The following SAMD4A variants were observed in gnomAD, a reference collection of about 807,000 sequenced individuals.
SAMD4A encodes sterile alpha motif domain containing 4A.
In SAMD4A, 33 loss-of-function variants were observed where a neutral mutation model predicts 81.3. The ratio of observed to expected loss-of-function variants is 0.41; its 90% CI spans 0.31 to 0.54. The LOEUF (loss-of-function observed/expected upper bound fraction) is 0.54, where lower values mean the gene tolerates loss of function less well. Among genes scored for constraint, SAMD4A ranks in the 20% least tolerant of loss-of-function variants. The probability of loss-of-function intolerance (pLI) is 0.37; values close to 1 mark genes in which losing one functional copy is unlikely to be tolerated. For synonymous variants in SAMD4A, 389 were observed against 382.1 expected (o/e 1.02, Z -0.21); for missense variants, 854 against 951.1 (o/e 0.90, Z 1.34).
chr14:54,752,383 G>A (rs1173634228), intron 6 of SAMD4A, among the ~76,000 whole-genome samples: 1 of 152,228 alleles, frequency 6.6e-6, no homozygotes, highest in African/African-American at 2.4e-5. Flanking sequence ...CATGGGTACT[G>A]GGAGGCAAGA....
At chr14:54,708,000 C>T (rs2036900777) in intron 3 of SAMD4A, among the ~76,000 whole-genome samples, 2 of 152,108 alleles carry the variant, frequency 1.3e-5, no homozygotes, top group Non-Finnish European at 2.9e-5. Flanking sequence ...GGAGGATTTC[C>T]AACAGAAAAG....
intron 4 of SAMD4A, among the ~76,000 whole-genome samples, chr14:54,738,477 A>T (rs529984820): frequency 2.6e-5 from 4 of 152,314 alleles, no homozygotes; most frequent in Admixed American, 2.6e-4. Flanking sequence ...TGATGGTTCC[A>T]GGGCTGAGTG....
At chr14:54,687,519 T>A in intron 2 of SAMD4A, 1 of 373,772 alleles carries the variant, frequency 2.7e-6, no homozygotes, top group Non-Finnish European at 5.3e-6. Flanking sequence ...AAACAAGTTG[T>A]GCTCATGCTC....
chr14:54,601,695 C>A (rs2034056791), intron 2 of SAMD4A, among the ~76,000 whole-genome samples: 1 of 152,164 alleles, frequency 6.6e-6, no homozygotes, highest in African/African-American at 2.4e-5. Context: ...TAGCCAGGGC[C>A]TCCCGTGGAG....
At chr14:54,600,060 G>C (rs997569501) in intron 2 of SAMD4A, among the ~76,000 whole-genome samples, 3 of 152,174 alleles carry the variant, frequency 2.0e-5, no homozygotes, top group Non-Finnish European at 4.4e-5. Context: ...TGCCAGGCTG[G>C]AGTGAGTAAT....
intron 8 of SAMD4A, among the ~76,000 whole-genome samples, chr14:54,769,670 G>A (rs1266843361): frequency 6.6e-6 from 1 of 152,152 alleles, no homozygotes; most frequent in Admixed American, 6.5e-5. Context: ...ACTCTAGGGT[G>A]CCCACACACC....
At chr14:54,599,696 C>G (rs962584319) in intron 2 of SAMD4A, among the ~76,000 whole-genome samples, 1 of 152,150 alleles carries the variant, frequency 6.6e-6, no homozygotes, top group Admixed American at 6.5e-5. Context: ...GTCAGAATTA[C>G]GAGACAATAG....
intron 2 of SAMD4A, among the ~76,000 whole-genome samples, chr14:54,688,669 TA>T (rs915342599): frequency 3.7e-4 from 56 of 151,712 alleles, no homozygotes; most frequent in Non-Finnish European, 1.8e-4. Context: ...ATTGTTGACT[TA>T]AAAAAAAATC....
At chr14:54,717,033 T>A (rs2037136646) in intron 3 of SAMD4A, among the ~76,000 whole-genome samples, 1 of 152,144 alleles carries the variant, frequency 6.6e-6, no homozygotes, top group East Asian at 1.9e-4. Context: ...ATGCATGTGT[T>A]GGGAGAATGC....
intron 8 of SAMD4A, among the ~76,000 whole-genome samples, chr14:54,768,376 C>A (rs1337665515): frequency 6.6e-6 from 1 of 152,208 alleles, no homozygotes; most frequent in African/African-American, 2.4e-5. Flanking sequence ...TTCATTCTCA[C>A]AACATCCTTT....
chr14:54,724,576 G>A (rs2140879222), intron 3 of SAMD4A, among the ~76,000 whole-genome samples: 1 of 152,274 alleles, frequency 6.6e-6, no homozygotes, highest in East Asian at 1.9e-4. Flanking sequence ...TGGGAACAGT[G>A]GGCCTCACAG....
chr14:54,609,970 G>A lies in SAMD4A; in HGVS notation c.196+41858G>A, dbSNP rs147594465. On this transcript the variant is annotated intron_variant, in intron 2 of 12. Coordinates refer to ENST00000554335, the MANE Select transcript of SAMD4A (RefSeq NM_015589.6). ...TTATGATTTTACTTTTTTTGTTGGCGCTGCTGATATTAAATCAGCGTACCT... is the reference window on the plus strand; with the variant it reads ...TTATGATTTTACTTTTTTTGTTGGCACTGCTGATATTAAATCAGCGTACCT... Among the ~76,000 whole-genome samples the A allele has an allele frequency of 1.8e-3, 279 of 152,182 alleles. 2 individuals are homozygous for A. In the Middle Eastern group the frequency reaches 0.02, roughly 11 times the overall value.
intron 2 of SAMD4A, among the ~76,000 whole-genome samples, chr14:54,578,517 CT>C (rs1426449252): frequency 1.3e-5 from 2 of 151,856 alleles, no homozygotes; most frequent in African/African-American, 4.8e-5. Flanking sequence ...TCAAGACCAG[CT>C]TGGCCAACGT....
intron 2 of SAMD4A, among the ~76,000 whole-genome samples, chr14:54,634,821 T>C (rs2034994901): frequency 6.6e-6 from 1 of 152,176 alleles, no homozygotes; most frequent in South Asian, 2.1e-4. Flanking sequence ...TGACACGTTA[T>C]TTATATAGTT....
At chr14:54,735,241 C>T (rs1028836932) in intron 3 of SAMD4A, 1 of 151,924 alleles carries the variant, frequency 6.6e-6, no homozygotes, top group Non-Finnish European at 1.5e-5. Context: ...TGCTTTCCCC[C>T]CACTTTTCCT....
intron 3 of SAMD4A, among the ~76,000 whole-genome samples, chr14:54,724,712 A>G (rs980766674): frequency 3.3e-5 from 5 of 152,194 alleles, no homozygotes; most frequent in African/African-American, 9.6e-5. Flanking sequence ...CTAAATATGC[A>G]GGAAAAACCA....
intron 2 of SAMD4A, chr14:54,685,619 T>A (rs549585825): frequency 5.4e-5 from 24 of 441,146 alleles, no homozygotes; most frequent in African/African-American, 4.6e-4. Flanking sequence ...GAAAAACTGA[T>A]CTTAGCCAAA....
chr14:54,584,629 T>C (rs1359856336), intron 2 of SAMD4A, among the ~76,000 whole-genome samples: 2 of 152,232 alleles, frequency 1.3e-5, no homozygotes, highest in Non-Finnish European at 1.5e-5. Context: ...TTAAATGTGA[T>C]TTAATTACTT....
At chr14:54,726,765 G>GTT (rs919690280) in intron 3 of SAMD4A, among the ~76,000 whole-genome samples, 1 of 149,572 alleles carries the variant, frequency 6.7e-6, no homozygotes, top group Admixed American at 6.7e-5. Flanking sequence ...GGGCATCGGG[G>GTT]TTTTTTTTTT....
Sources: allele counts gnomAD v4.1 joint callset (sites outside exome capture counted in the v4.1 genomes callset), GRCh38; gene constraint gnomAD v4.1.1; transcripts MANE v1.5; gene names NCBI Gene and HGNC (gene_info 2026-07-23, HGNC 2026-07-21).